The following TNPO1 variants were observed in gnomAD, a reference collection of about 807,000 sequenced individuals.
TNPO1 encodes transportin 1.
A neutral mutation model predicts 119.5 loss-of-function variants in TNPO1; 8 were observed. The observed-to-expected ratio is 0.07, with a 90% CI of 0.04 to 0.12. The LOEUF is 0.12. TNPO1 is among the 10% of genes least tolerant of loss of function. The pLI is 1.00. For synonymous variants in TNPO1, 362 were observed against 363.0 expected (o/e 1.00, Z 0.03); for missense variants, 576 against 1,089.8 (o/e 0.53, Z 6.64).
intron 1 of TNPO1, 152 bp from the exon 2 acceptor site, chr5:72,848,233 T>C: frequency 7.9e-7 from 1 of 1,258,344 alleles, no homozygotes; most frequent in Non-Finnish European, 1.0e-6. Flanking sequence ...CGTGACTTCC[T>C]TCGGGGCACC....
chr5:72,899,335 T>C (rs981789533), intron 20 of TNPO1, among the ~76,000 whole-genome samples: 2 of 152,176 alleles, frequency 1.3e-5, no homozygotes, highest in Non-Finnish European at 2.9e-5. Context: ...AGATTTGACA[T>C]TGTAGCATAG....
chr5:72,851,545 T>C (rs1189961624), intron 3 of TNPO1, among the ~76,000 whole-genome samples: 1 of 152,156 alleles, frequency 6.6e-6, no homozygotes, highest in Non-Finnish European at 1.5e-5. Flanking sequence ...CAGGCTGGAG[T>C]GCAGTGGTGC....
In TNPO1 at chr5:72,896,562, A is replaced by C. The variant is rs1405452911; in HGVS notation, c.2242+6A>C. 6.2e-7 allele frequency: 1 copy of C among 1,608,586 alleles called. No homozygotes were observed. Among genetic ancestry groups the C allele is most frequent in the East Asian group, 2.2e-5 (1 of 44,660 alleles). ...AGAAATCTCCATTCAAATGGGTAAG[A>C]TGTTTTTCCCTATTTAAAAGCATAA... On this transcript the variant is annotated splice_donor_region_variant and intron_variant, in intron 19 of 24. Coordinates refer to ENST00000337273, the MANE Select transcript of TNPO1 (RefSeq NM_002270.4).
chr5:72,821,106 G>A (rs1743937618), intron 1 of TNPO1, among the ~76,000 whole-genome samples: 1 of 151,956 alleles, frequency 6.6e-6, no homozygotes, highest in Non-Finnish European at 1.5e-5. Context: ...TTTTACTGGG[G>A]AAACAAGCAA....
chr5:72,903,947 TTCTTAAAA>T (rs1446733829), intron 23 of TNPO1, among the ~76,000 whole-genome samples, 164 bp downstream of exon 23: 1 of 152,238 alleles, frequency 6.6e-6, no homozygotes, highest in Non-Finnish European at 1.5e-5. Flanking sequence ...GCTTGATCTT[TTCTTAAAA>T]TACAGCAGTG....
intron 6 of TNPO1, among the ~76,000 whole-genome samples, chr5:72,867,558 T>C (rs1747011317): frequency 6.6e-6 from 1 of 152,236 alleles, no homozygotes; most frequent in Admixed American, 6.5e-5. Context: ...CATCATGGCC[T>C]ACTCGTATTT....
At chr5:72,884,886 T>G (rs1748510464) in intron 11 of TNPO1, among the ~76,000 whole-genome samples, 1 of 152,226 alleles carries the variant, frequency 6.6e-6, no homozygotes, top group Non-Finnish European at 1.5e-5. Context: ...AACACAGTTG[T>G]GACAACCGTT....
intron 5 of TNPO1, among the ~76,000 whole-genome samples, chr5:72,862,901 A>G (rs995464399): frequency 3.7e-4 from 56 of 149,684 alleles, no homozygotes; most frequent in African/African-American, 1.4e-3. Flanking sequence ...ACCTGTCTCA[A>G]CCTCCCAAAG....
chr5:72,913,224 CTA>C lies in TNPO1; in HGVS notation c.*4552_*4553del, dbSNP rs1750677810. 2 of 152,550 alleles carry C rather than the reference CTA, an allele frequency of 1.3e-5. No homozygotes were observed. The highest frequency in any genetic ancestry group is 1.3e-4 in the Admixed American group (2 of 15,288). The allele number at this position is 152,550 out of a possible 1,614,324, so 9.4% of individuals were successfully genotyped here. A position where few individuals can be genotyped will look rare whatever the true frequency, so the allele number is the denominator to read the frequency against. The stretch of plus-strand genomic sequence containing the variant: ...ATATGGAGATACTTCTAATGCCTCT[CTA>C]AAATTAAATTTTACATAAAAGTTAG... On this transcript the variant is annotated 3_prime_UTR_variant, in exon 25 of 25. Coordinates refer to ENST00000337273, the MANE Select transcript of TNPO1 (RefSeq NM_002270.4).
rs1747712765 is a variant in TNPO1 at position 72,875,724 on chromosome 5, A to G, written c.788A>G (p.His263Arg). Residue 263 changes from histidine (H) to arginine (R), a missense_variant, in exon 8 of 25, where the codon CAT becomes CGT. By Grantham distance (29) the His-to-Arg change is conservative. Coordinates refer to ENST00000337273, the MANE Select transcript of TNPO1 (RefSeq NM_002270.4). Reference sequence around the variant, plus strand: ...ATGGATCGCCTGCTTCCTCACATGCATAATATAGTTGAGGTAACACTGGCA... The same window carrying G: ...ATGGATCGCCTGCTTCCTCACATGCGTAATATAGTTGAGGTAACACTGGCA... ...VRMDRLLPHM[H>R]NIVEYMLQRT... 3.1e-6 allele frequency: 5 copies of G among 1,610,340 alleles called. No individual in the cohort carries two copies. The highest frequency in any genetic ancestry group is 2.2e-5 in the South Asian group (2 of 90,780).
intron 6 of TNPO1, among the ~76,000 whole-genome samples, chr5:72,866,882 T>C (rs1746945476): frequency 6.6e-6 from 1 of 152,142 alleles, no homozygotes; most frequent in Non-Finnish European, 1.5e-5. Flanking sequence ...ATTAAAATGT[T>C]AGGTAAAGTA....
At chr5:72,879,010 G>T (rs1409287411) in intron 9 of TNPO1, 2 of 431,308 alleles carry the variant, frequency 4.6e-6, no homozygotes, top group Non-Finnish European at 9.3e-6. Flanking sequence ...GCCGCCAGGA[G>T]TCTCTGTGTT....
At chr5:72,831,917 G>A (rs1744491037) in intron 1 of TNPO1, among the ~76,000 whole-genome samples, 1 of 151,832 alleles carries the variant, frequency 6.6e-6, no homozygotes, top group Admixed American at 6.6e-5. Flanking sequence ...CACTTTTTAA[G>A]CATAAATACT....
intron 8 of TNPO1, among the ~76,000 whole-genome samples, chr5:72,876,555 A>G (rs1473197269): frequency 3.3e-5 from 5 of 152,232 alleles, no homozygotes; most frequent in African/African-American, 9.6e-5. Flanking sequence ...GTGAAAGTCT[A>G]TATACAAGAG....
chr5:72,900,400 A>G (rs1279277343), intron 21 of TNPO1, among the ~76,000 whole-genome samples: 1 of 152,230 alleles, frequency 6.6e-6, no homozygotes, highest in African/African-American at 2.4e-5. Flanking sequence ...AATTCTATAA[A>G]TTTAGGTTTT....
chr5:72,838,571 A>G (rs1744790305), intron 1 of TNPO1, among the ~76,000 whole-genome samples: 1 of 152,146 alleles, frequency 6.6e-6, no homozygotes, highest in South Asian at 2.1e-4. Flanking sequence ...GTATAGCTAT[A>G]ATTAGTAACT....
chr5:72,910,824 T>C lies in TNPO1; in HGVS notation c.*2151T>C, dbSNP rs192104577. Reference sequence around the variant, plus strand: ...GTGTGTTTTGTTTTGTTTTGTTCTGTTTTTTAACGTTCTTTCACCTTTCCT... The same window carrying C: ...GTGTGTTTTGTTTTGTTTTGTTCTGCTTTTTAACGTTCTTTCACCTTTCCT... On this transcript the variant is annotated 3_prime_UTR_variant, in exon 25 of 25. Transcript: ENST00000337273. The C allele has an allele frequency of 3.0e-4, 41 of 134,942 alleles. 1 individual carries two copies. The East Asian group carries it at 7.9e-3, about 26-fold the overall frequency. The allele number at this position is 134,942 out of a possible 1,614,324, so 8.4% of individuals were successfully genotyped here. A position where few individuals can be genotyped will look rare whatever the true frequency, so the allele number is the denominator to read the frequency against.
rs1750707023 is a variant in TNPO1, at chr5:72,913,707, C to A, written c.*5034C>A. On this transcript the variant is annotated 3_prime_UTR_variant, in exon 25 of 25. Transcript: ENST00000337273. Reference sequence around the variant, plus strand: ...TAAAAGCCTATTATAACATGGTTAGCCTATAAGGCAGTGTTGGTCCCCTTC... The same window carrying A: ...TAAAAGCCTATTATAACATGGTTAGACTATAAGGCAGTGTTGGTCCCCTTC... 1 of 152,484 alleles carries A rather than the reference C, an allele frequency of 6.6e-6. No homozygotes were observed. Among genetic ancestry groups the A allele is most frequent in the Non-Finnish European group, 1.5e-5 (1 of 67,956 alleles). 9.4% of individuals were successfully genotyped at this position (152,484 alleles called of 1,614,324 possible). A position where few individuals can be genotyped will look rare whatever the true frequency, so the allele number is the denominator to read the frequency against.
chr5:72,864,515 A>G (rs1208101036), intron 5 of TNPO1, among the ~76,000 whole-genome samples: 1 of 152,322 alleles, frequency 6.6e-6, no homozygotes, highest in East Asian at 1.9e-4. Context: ...ATGGTTGCCA[A>G]TTTGCACTGC....
Sources: allele counts gnomAD v4.1 joint callset (sites outside exome capture counted in the v4.1 genomes callset), GRCh38; gene constraint gnomAD v4.1.1; transcripts MANE v1.5; gene names NCBI Gene and HGNC (gene_info 2026-07-23, HGNC 2026-07-21).